Variants in CDADC1 observed in about 807,000 individuals in gnomAD.
CDADC1 encodes the protein cytidine and dCMP deaminase domain containing 1.
A neutral mutation model predicts 54.9 loss-of-function variants in CDADC1; 39 were observed. The ratio of observed to expected loss-of-function variants is 0.71; its 90% CI spans 0.55 to 0.93. The LOEUF (loss-of-function observed/expected upper bound fraction) is 0.93, where lower values mean the gene tolerates loss of function less well. Ranked by LOEUF, CDADC1 falls within the 40% of genes least tolerant of loss-of-function variation. The pLI, the probability that CDADC1 is intolerant of heterozygous loss-of-function variation, is 0.00. For synonymous variants in CDADC1, 186 were observed against 204.0 expected, an observed-to-expected ratio of 0.91 and a Z score of 0.75; for missense variants, 518 against 618.8, an observed-to-expected ratio of 0.84 and a Z score of 1.73.
chr13:49,280,755 GC>G (rs1953298916), intron 8 of CDADC1, 57 bp downstream of exon 8: 1 of 931,228 alleles, frequency 1.1e-6, no homozygotes, highest in African/African-American at 1.7e-5. Context: ...TAGGTACCCT[GC>G]TGCAATATTG....
intron 9 of CDADC1, among the ~76,000 whole-genome samples, chr13:49,287,172 C>G (rs746170214): frequency 6.6e-6 from 1 of 152,216 alleles, no homozygotes; most frequent in Non-Finnish European, 1.5e-5. Context: ...GCCTGGGCGA[C>G]AGGGCAAAAC....
intron 9 of CDADC1, among the ~76,000 whole-genome samples, chr13:49,288,789 T>C (rs142360794): frequency 1.3e-5 from 2 of 152,290 alleles, no homozygotes; most frequent in East Asian, 1.9e-4. Flanking sequence ...TTCCACTCCA[T>C]GCAAATGGAA....
chr13:49,256,600 T>C (rs1294939773), intron 3 of CDADC1, among the ~76,000 whole-genome samples: 2 of 152,258 alleles, frequency 1.3e-5, no homozygotes, highest in Non-Finnish European at 2.9e-5. Context: ...GTAAGTAGGG[T>C]AAAATCAAAG....
intron 3 of CDADC1, among the ~76,000 whole-genome samples, chr13:49,258,353 G>A (rs1333942669): frequency 6.6e-6 from 1 of 152,208 alleles, no homozygotes; most frequent in Non-Finnish European, 1.5e-5. Context: ...CCAAGCCCAA[G>A]GATCAGGTTT....
In CDADC1 at chr13:49,249,732, C is replaced by CA. The variant is rs895539356; in HGVS notation, c.177+777dup. Reference sequence around the variant, plus strand: ...TGGGTGACAGAGCAAGACTCCATCTCAAAAAAAAAATCAGAAATGTATAGT... The same window carrying CA: ...TGGGTGACAGAGCAAGACTCCATCTCAAAAAAAAAAATCAGAAATGTATAGT... On this transcript the variant is annotated intron_variant, in intron 2 of 9. Transcript: ENST00000251108. Among the ~76,000 whole-genome samples the CA allele has an allele frequency of 6.8e-4, 100 of 147,690 alleles. 1 individual carries two copies. In the South Asian group the frequency reaches 7.0e-3, roughly 10 times the overall value.
intron 5 of CDADC1, among the ~76,000 whole-genome samples, chr13:49,273,130 CTG>C (rs1157726211): frequency 7.2e-5 from 11 of 152,162 alleles, no homozygotes; most frequent in East Asian, 3.8e-4. Context: ...AGTATCATAA[CTG>C]TTTTAAAGTT....
Position 49,292,350 on chromosome 13 carries a change from G to T in CDADC1, c.*593G>T. 7 of 987,454 alleles carry T rather than the reference G, an allele frequency of 7.1e-6. No homozygotes were observed. The highest frequency in any genetic ancestry group is 8.4e-6 in the Non-Finnish European group (7 of 830,352). The allele number at this position is 987,454 out of a possible 1,614,324, so 61.2% of individuals were successfully genotyped here. A position where few individuals can be genotyped will look rare whatever the true frequency, so the allele number is the denominator to read the frequency against. ...TTGTAAATGTTAATTCTGTGGTCCT[G>T]TTTATCACAGACTTTGGGTAGCAAT... On this transcript the variant is annotated 3_prime_UTR_variant, in exon 10 of 10. Coordinates refer to ENST00000251108, the MANE Select transcript of CDADC1 (RefSeq NM_030911.4).
At chr13:49,264,342 C>A (rs59896029) in intron 4 of CDADC1, among the ~76,000 whole-genome samples, 28 of 152,218 alleles carry the variant, frequency 1.8e-4, no homozygotes, top group African/African-American at 5.3e-4. Flanking sequence ...GCCCTGATTT[C>A]TCTTAACTCT....
chr13:49,263,775 T>C lies in CDADC1; in HGVS notation c.431-3715T>C, dbSNP rs192400801. On this transcript the variant is annotated intron_variant, in intron 4 of 9. Transcript: ENST00000251108. The stretch of plus-strand genomic sequence containing the variant: ...TTTTTTTTTTTACAAAGCAAGTTAC[T>C]TTATTAGAATTTTAAACAATGTATA... 3.1e-4 allele frequency among the ~76,000 whole-genome samples: 47 copies of C among 152,320 alleles called. No homozygotes were observed. In the East Asian group the frequency reaches 5.8e-3, roughly 19 times the overall value.
At chr13:49,250,024 TGAG>T (rs1464245367) in intron 2 of CDADC1, among the ~76,000 whole-genome samples, 1 of 152,000 alleles carries the variant, frequency 6.6e-6, no homozygotes, top group African/African-American at 2.4e-5. Flanking sequence ...AGAGGTAAAA[TGAG>T]GGGGGTGGGG....
intron 6 of CDADC1, among the ~76,000 whole-genome samples, chr13:49,275,751 A>C (rs1953111120): frequency 1.8e-5 from 1 of 54,926 alleles, no homozygotes; most frequent in Admixed American, 1.8e-4. Context: ...AGAGAGAGAG[A>C]GAGAGAGAGA....
chr13:49,288,572 A>G (rs534400389), intron 9 of CDADC1, among the ~76,000 whole-genome samples: 27 of 152,322 alleles, frequency 1.8e-4, no homozygotes, highest in African/African-American at 6.5e-4. Context: ...TTCCTTTCCA[A>G]TTTTTGATTC....
chr13:49,264,226 T>A (rs1449115847), intron 4 of CDADC1, among the ~76,000 whole-genome samples: 1 of 152,174 alleles, frequency 6.6e-6, no homozygotes, highest in Non-Finnish European at 1.5e-5. Flanking sequence ...AATGGAAGTT[T>A]CCTAACTGTG....
intron 4 of CDADC1, among the ~76,000 whole-genome samples, chr13:49,260,562 A>G (rs1952656359): frequency 1.3e-5 from 2 of 152,220 alleles, no homozygotes; most frequent in Non-Finnish European, 2.9e-5. Context: ...AGTGACTACT[A>G]TACACTTTGG....
At chr13:49,287,374 T>G (rs910991606) in intron 9 of CDADC1, among the ~76,000 whole-genome samples, 1 of 152,236 alleles carries the variant, frequency 6.6e-6, no homozygotes, top group Non-Finnish European at 1.5e-5. Context: ...TAGCTTTATT[T>G]GATTCAAATA....
chr13:49,291,533 G>T, intron 9 of CDADC1, 151 bp from the exon 10 acceptor site: 1 of 658,904 alleles, frequency 1.5e-6, no homozygotes, highest in Non-Finnish European at 2.5e-6. Context: ...TATCTAGATT[G>T]GATTCTCTAC....
chr13:49,276,352 A>G (rs906658354), intron 6 of CDADC1, among the ~76,000 whole-genome samples: 2 of 152,130 alleles, frequency 1.3e-5, no homozygotes, highest in African/African-American at 2.4e-5. Flanking sequence ...GAAAATAAGG[A>G]GATTAATAAA....
intron 4 of CDADC1, among the ~76,000 whole-genome samples, chr13:49,261,389 T>C (rs1340836943): frequency 6.6e-6 from 1 of 152,220 alleles, no homozygotes; most frequent in Non-Finnish European, 1.5e-5. Context: ...AAAGTGGTGG[T>C]GGCATTTTTT....
Position 49,291,831 on chromosome 13 carries a change from A to G in CDADC1, c.*74A>G. ...TTCTAAAATTCAGCCTTGTTCATTC[A>G]GAAAATAAGGATGGATTTTGTGAAT... is the stretch of plus-strand genomic sequence containing the variant. On this transcript the variant is annotated 3_prime_UTR_variant, in exon 10 of 10. Coordinates refer to ENST00000251108, the MANE Select transcript of CDADC1 (RefSeq NM_030911.4). 6.5e-7 allele frequency: 1 copy of G among 1,547,514 alleles called. No individual in the cohort carries two copies. The highest frequency in any genetic ancestry group is 8.7e-7 in the Non-Finnish European group (1 of 1,148,368).
Sources: allele counts gnomAD v4.1 joint callset (sites outside exome capture counted in the v4.1 genomes callset), GRCh38; gene constraint gnomAD v4.1.1; transcripts MANE v1.5; gene names NCBI Gene and HGNC (gene_info 2026-07-23, HGNC 2026-07-21).